DDX5: variants seen among roughly 807,000 people sequenced by gnomAD.
DDX5 encodes probable ATP-dependent RNA helicase DDX5.
DDX5 carries 6 observed loss-of-function variants against 68.6 expected under a neutral mutation model. That is an observed-to-expected ratio of 0.09 (90% confidence interval 0.05 to 0.17). The LOEUF (loss-of-function observed/expected upper bound fraction) is 0.17, where lower values mean the gene tolerates loss of function less well. Ranked by LOEUF, DDX5 falls within the 10% of genes least tolerant of loss-of-function variation. DDX5 has a pLI of 1.00. For missense variants in DDX5, 499 were observed against 756.1 expected, an observed-to-expected ratio of 0.66 and a Z score of 3.99; for synonymous variants, 350 against 247.0, an observed-to-expected ratio of 1.42 and a Z score of -3.91.
rs1387749883 is a variant in DDX5 at position 64,506,240 on chromosome 17, T to A, written c.-121A>T. 1 of 1,550,456 alleles carries A rather than the reference T, an allele frequency of 6.4e-7. No individual in the cohort carries two copies. Among genetic ancestry groups the A allele is most frequent in the East Asian group, 2.4e-5 (1 of 41,282 alleles). On this transcript the variant is annotated 5_prime_UTR_variant, in exon 1 of 13. Coordinates refer to ENST00000225792, the MANE Select transcript of DDX5 (RefSeq NM_004396.5). ...GGCGGCAGCGGAGGAAGGACACCGATGACACCAGCCGAAGCTGCACTACTA... is the reference window on the plus strand; with the variant it reads ...GGCGGCAGCGGAGGAAGGACACCGAAGACACCAGCCGAAGCTGCACTACTA...
intron 11 of DDX5, chr17:64,501,052 C>T (rs1464412152): frequency 2.1e-6 from 1 of 485,506 alleles, no homozygotes; most frequent in African/African-American, 1.9e-5. Context: ...AGCAAGTTCC[C>T]TTACAGATCA....
rs2038218721 is a variant in DDX5, at chr17:64,498,744, T to C, written c.*1179A>G. Among the ~76,000 whole-genome samples the C allele has an allele frequency of 6.6e-6, 1 of 152,202 alleles. No individual in the cohort carries two copies. The highest frequency in any genetic ancestry group is 6.5e-5 in the Admixed American group (1 of 15,272). The stretch of plus-strand genomic sequence containing the variant: ...ACTCTGGGAAAACATTCAGACCCAC[T>C]TCTAGCTATTACTGAAATAAATGAT... On this transcript the variant is annotated 3_prime_UTR_variant, in exon 13 of 13. Transcript: ENST00000225792.
At position 64,499,583 on chromosome 17, in the gene DDX5, A is replaced by C. The variant is rs2038244679; in HGVS notation, c.*340T>G. 1 of 249,722 alleles carries C rather than the reference A, an allele frequency of 4.0e-6. No individual in the cohort carries two copies. Among genetic ancestry groups the C allele is most frequent in the African/African-American group, 2.2e-5 (1 of 45,784 alleles). The allele number at this position is 249,722 out of a possible 1,614,324, so 15.5% of individuals were successfully genotyped here. The stretch of plus-strand genomic sequence containing the variant: ...CAGACCATCTTAAGCAAAGTTTTAC[A>C]TGACATTATATAAAATAAAGTACAA... On this transcript the variant is annotated 3_prime_UTR_variant, in exon 13 of 13. Transcript: ENST00000225792.
At chr17:64,506,470 C>G, upstream of DDX5, 1 of 1,178,984 alleles carries the variant, frequency 8.5e-7, no homozygotes. Context: ...GGTCAGGGCC[C>G]ACCCACCATT....
upstream of DDX5, chr17:64,506,607 C>G (rs1568112478): frequency 2.6e-6 from 1 of 385,888 alleles, no homozygotes; most frequent in Non-Finnish European, 4.8e-6. Context: ...GTTTACGTCT[C>G]CAAAGAGCCC....
chr17:64,506,615 C>T (rs2038541014), upstream of DDX5: 1 of 393,012 alleles, frequency 2.5e-6, no homozygotes, highest in Non-Finnish European at 4.7e-6. Context: ...CTCCAAAGAG[C>T]CCTCACGTCT....
rs892683346 is a variant in DDX5 at position 64,506,276 on chromosome 17, G to A, written c.-157C>T. ...GAAGCTGCACTACTAGAGACCGGTA[G>A]AAATGAATGAGGTGCCGGCCGCTTT... On this transcript the variant is annotated 5_prime_UTR_variant, in exon 1 of 13. Transcript: ENST00000225792. 13 of 1,535,236 alleles carry A rather than the reference G, an allele frequency of 8.5e-6. No individual in the cohort carries two copies. The highest frequency in any genetic ancestry group is 6.9e-5 in the African/African-American group (5 of 72,800).
upstream of DDX5, chr17:64,506,765 C>T: frequency 2.0e-6 from 1 of 512,202 alleles, no homozygotes; most frequent in Non-Finnish European, 3.5e-6. Context: ...CGGAAGTGCG[C>T]TGCTCGCACC....
chr17:64,505,583 G>C (rs2038455201), intron 1 of DDX5: 4 of 753,152 alleles, frequency 5.3e-6, no homozygotes, highest in Admixed American at 2.3e-5. Flanking sequence ...GGGTAACAAA[G>C]GCGCCGCCGC....
At position 64,504,755 on chromosome 17, in the gene DDX5, C is replaced by G. The variant is rs1242626366; in HGVS notation, c.132G>C (p.Lys44Asn). Residue 44 changes from lysine to asparagine, a missense_variant, in exon 2 of 13, where the codon AAG becomes AAC. By Grantham distance (94) the Lys-to-Asn change is moderately conservative. Transcript: ENST00000225792. ...TAGGCAGCTCATCAAGATTCCACTTCTTTTTAACTAATTTCTCCCCAGGGT... is the reference window on the plus strand; with the variant it reads ...TAGGCAGCTCATCAAGATTCCACTTGTTTTTAACTAATTTCTCCCCAGGGT... ...FGNPGEKLVK[K>N]KWNLDELPKF... The G allele has an allele frequency of 3.7e-6, 6 of 1,614,148 alleles. No individual in the cohort carries two copies. Among genetic ancestry groups the G allele is most frequent in the Non-Finnish European group, 5.1e-6 (6 of 1,180,012 alleles).
In DDX5 at chr17:64,500,162, T is replaced by C. The variant is rs782359859; in HGVS notation, c.1606A>G (p.Ser536Gly). 2.5e-6 allele frequency: 4 copies of C among 1,614,236 alleles called. No individual in the cohort carries two copies. The highest frequency in any genetic ancestry group is 2.5e-6 in the Non-Finnish European group (3 of 1,180,044). ...FGAKTQNGVYSAANYTNGSFG... is the reference protein window; with the variant it reads ...FGAKTQNGVYGAANYTNGSFG... ...CTCCCATTGGTGTAATTTGCAGCAC[T>C]GTAAACACCATTCTGAGTTTTTGCC... is the stretch of plus-strand genomic sequence containing the variant. The change falls in exon 13 of 13, where the codon AGT becomes GGT. Residue 536 changes from serine (S) to glycine (G), a missense_variant. Around this residue, in one of 5 missense-constraint regions of DDX5, gnomAD observed 171 missense variants for 174.8 expected, o/e 0.98. Coordinates refer to ENST00000225792, the MANE Select transcript of DDX5 (RefSeq NM_004396.5).
chr17:64,499,504 AAC>A lies in DDX5; in HGVS notation c.*417_*418del, dbSNP rs782499919. On this transcript the variant is annotated 3_prime_UTR_variant, in exon 13 of 13. Coordinates refer to ENST00000225792, the MANE Select transcript of DDX5 (RefSeq NM_004396.5). ...CTGCCTCCCAAATTAAATAAAAAGGAACAGTCATTTGTTTTCATGGAAAAAAA... is the reference window on the plus strand; with the variant it reads ...CTGCCTCCCAAATTAAATAAAAAGGAAGTCATTTGTTTTCATGGAAAAAAA... The A allele has an allele frequency of 3.1e-5, 7 of 223,444 alleles. No homozygotes were observed. Among genetic ancestry groups the A allele is most frequent in the South Asian group, 1.8e-4 (1 of 5,562 alleles). 13.8% of individuals were successfully genotyped at this position (223,444 alleles called of 1,614,324 possible).
Position 64,504,132 on chromosome 17 carries a change from G to A in DDX5, c.308-16C>T, listed in dbSNP as rs371087414. 9.6e-5 allele frequency: 155 copies of A among 1,613,232 alleles called. No individual in the cohort carries two copies. The highest frequency in any genetic ancestry group is 1.7e-4 in the South Asian group (15 of 90,600). ...ATGACATTTGCTATAATTAGTAACA[G>A]ATATTTAGTAAAAATTAGTGATGCC... On this transcript the variant is annotated splice_polypyrimidine_tract_variant and intron_variant, in intron 3 of 12. Transcript: ENST00000225792.
rs1555671794 is a variant in DDX5, at chr17:64,504,724, C to T, written c.163G>A (p.Glu55Lys). The change falls in exon 2 of 13, where the codon GAG (glutamate) becomes AAG (lysine). Residue 55 changes from glutamate (E) to lysine (K), a missense_variant. Physicochemically the swap from Glu to Lys is moderately conservative, Grantham distance 56. Coordinates refer to ENST00000225792, the MANE Select transcript of DDX5 (RefSeq NM_004396.5). Reference protein sequence around the residue: ...KWNLDELPKFEKNFYQEHPDL... With the variant: ...KWNLDELPKFKKNFYQEHPDL... ...GGGTGCTCTTGATAAAAATTCTTCT[C>T]AAATTTAGGCAGCTCATCAAGATTC... The T allele has an allele frequency of 6.2e-7, 1 of 1,613,756 alleles. No individual in the cohort carries two copies. Among genetic ancestry groups the T allele is most frequent in the South Asian group, 1.1e-5 (1 of 90,970 alleles).
chr17:64,504,113 T>G lies in DDX5; in HGVS notation c.311A>C (p.Asn104Thr), dbSNP rs2038364493. ...CTGTCTTGCAATAACATCCATGACATTTGCTATAATTAGTAACAGATATTT... is the reference window on the plus strand; with the variant it reads ...CTGTCTTGCAATAACATCCATGACAGTTGCTATAATTAGTAACAGATATTT... ...LNFYEANFPA[N>T]VMDVIARQNF... is the part of the protein sequence containing the mutation. The change falls in exon 4 of 13, where the codon AAT becomes ACT. Residue 104 changes from asparagine to threonine, a missense_variant. Around this residue, in one of 5 missense-constraint regions of DDX5, gnomAD observed 140 missense variants for 135.7 expected, o/e 1.03. Transcript: ENST00000225792. The G allele has an allele frequency of 6.2e-7, 1 of 1,613,996 alleles. No homozygotes were observed.
chr17:64,499,989 A>G lies in DDX5; in HGVS notation c.1779T>C (p.Tyr593=). Residue 593 remains tyrosine (Y), a synonymous_variant, in exon 13 of 13, where the codon TAT becomes TAC. Transcript: ENST00000225792. The stretch of plus-strand genomic sequence containing the variant: ...GTGCAGCTGCAGTAGCAGGATATGC[A>G]TATGCCTGTTGGTTCATACCATTGT... ...NMHNGMNQQA[Y]AYPATAAAPM... 2 of 1,614,098 alleles carry G rather than the reference A, an allele frequency of 1.2e-6. No individual in the cohort carries two copies. Among genetic ancestry groups the G allele is most frequent in the Non-Finnish European group, 1.7e-6 (2 of 1,179,966 alleles).
rs781860836 is a variant in DDX5, at chr17:64,504,755, CTTT to C, written c.129_131del (p.Lys45del). 3 of 1,614,148 alleles carry C rather than the reference CTTT, an allele frequency of 1.9e-6. No homozygotes were observed. The highest frequency in any genetic ancestry group is 2.2e-5 in the East Asian group (1 of 44,886). On this transcript the variant is annotated inframe_deletion, in exon 2 of 13. Coordinates refer to ENST00000225792, the MANE Select transcript of DDX5 (RefSeq NM_004396.5). Reference sequence around the variant, plus strand: ...TAGGCAGCTCATCAAGATTCCACTTCTTTTTAACTAATTTCTCCCCAGGGTTTC... The same window carrying C: ...TAGGCAGCTCATCAAGATTCCACTTCTTAACTAATTTCTCCCCAGGGTTTC...
At chr17:64,505,970 C>T (rs1475103866) in intron 1 of DDX5, 106 bp downstream of exon 1, 1 of 1,540,198 alleles carries the variant, frequency 6.5e-7, no homozygotes, top group Non-Finnish European at 8.7e-7. Flanking sequence ...CCCAAGATAG[C>T]CCGGAAAGGC....
upstream of DDX5, chr17:64,506,760 G>C: frequency 2.0e-6 from 1 of 503,068 alleles, no homozygotes; most frequent in Non-Finnish European, 3.6e-6. Flanking sequence ...CTCACCGGAA[G>C]TGCGCTGCTC....
Sources: gnomAD v4.1 joint callset for allele counts (sites outside exome capture counted in the v4.1 genomes callset) on GRCh38, gnomAD v4.1.1 for gene constraint, gnomAD v4.1.1 regional missense constraint, MANE v1.5 for transcripts, NCBI Gene and HGNC (gene_info 2026-07-23, HGNC 2026-07-21) for gene names.